CHST11: variants seen among roughly 807,000 people sequenced by gnomAD.
CHST11 encodes carbohydrate sulfotransferase 11.
Under a neutral mutation model 30.4 loss-of-function variants are expected in CHST11, and 9 were observed. That is an observed-to-expected ratio of 0.30 (90% CI 0.18 to 0.52). The LOEUF (loss-of-function observed/expected upper bound fraction) is 0.52, where lower values mean the gene tolerates loss of function less well. Ranked by LOEUF, CHST11 falls within the 20% of genes least tolerant of loss-of-function variation. The pLI is 0.97. For synonymous variants in CHST11, 152 were observed against 187.8 expected, an observed-to-expected ratio of 0.81 and a Z score of 1.56; for missense variants, 348 against 460.6, an observed-to-expected ratio of 0.76 and a Z score of 2.24.
chr12:104,505,610 A>T (rs1205268009), intron 1 of CHST11, among the ~76,000 whole-genome samples: 1 of 152,206 alleles, frequency 6.6e-6, no homozygotes, highest in African/African-American at 2.4e-5. Flanking sequence ...ACCATCAACT[A>T]GCTGCTTGAT....
intron 1 of CHST11, among the ~76,000 whole-genome samples, chr12:104,599,645 CA>C (rs1472979712): frequency 6.6e-6 from 1 of 152,192 alleles, no homozygotes; most frequent in African/African-American, 2.4e-5. Context: ...TTTCTCTGTA[CA>C]GCCTGATCAA....
chr12:104,616,061 G>T (rs1410509483), intron 2 of CHST11, among the ~76,000 whole-genome samples: 1 of 152,202 alleles, frequency 6.6e-6, no homozygotes, highest in Non-Finnish European at 1.5e-5. Flanking sequence ...ATTTGCTGTT[G>T]TTATTGTTAC....
At chr12:104,487,420 C>A (rs2037692654) in intron 1 of CHST11, among the ~76,000 whole-genome samples, 1 of 152,174 alleles carries the variant, frequency 6.6e-6, no homozygotes, top group Non-Finnish European at 1.5e-5. Context: ...TGCCACCACA[C>A]CTGGTTAATT....
At chr12:104,696,507 A>AAAAC (rs2039948667) in intron 2 of CHST11, among the ~76,000 whole-genome samples, 1 of 138,678 alleles carries the variant, frequency 7.2e-6, no homozygotes, top group African/African-American at 2.7e-5. Context: ...AAAAAAAAAA[A>AAAAC]CATAGCTGGG....
intron 1 of CHST11, among the ~76,000 whole-genome samples, chr12:104,559,440 AGACT>A (rs1321989959): frequency 6.6e-6 from 1 of 152,212 alleles, no homozygotes; most frequent in Non-Finnish European, 1.5e-5. Flanking sequence ...TGGGGAAGAC[AGACT>A]GTCAACAAGT....
chr12:104,495,071 A>G (rs1326201102), intron 1 of CHST11, among the ~76,000 whole-genome samples: 1 of 152,156 alleles, frequency 6.6e-6, no homozygotes, highest in Non-Finnish European at 1.5e-5. Flanking sequence ...GGAGTCATAC[A>G]GTATTTCTGT....
At chr12:104,577,020 G>A (rs76434722) in intron 1 of CHST11, among the ~76,000 whole-genome samples, 34,053 of 151,784 alleles carry the variant, frequency 0.22, 4,333 homozygotes, top group African/African-American at 0.36. Context: ...CCTGGACCTC[G>A]GTACTAAGAC....
chr12:104,718,687 G>T (rs562829783), intron 2 of CHST11, among the ~76,000 whole-genome samples: 1 of 152,146 alleles, frequency 6.6e-6, no homozygotes, highest in Non-Finnish European at 1.5e-5. Flanking sequence ...AATTGGGGGC[G>T]TCTCCTCCCT....
At chr12:104,705,090 T>G (rs1003973362) in intron 2 of CHST11, among the ~76,000 whole-genome samples, 3 of 152,230 alleles carry the variant, frequency 2.0e-5, no homozygotes, top group Non-Finnish European at 4.4e-5. Context: ...GAGAAGCCTC[T>G]CTGCTGATTA....
intron 2 of CHST11, among the ~76,000 whole-genome samples, chr12:104,635,521 C>G (rs1230220916): frequency 6.6e-6 from 1 of 152,214 alleles, no homozygotes. Context: ...GAGCACCTGG[C>G]AGATCCAGTT....
At chr12:104,490,612 T>C (rs2037735684) in intron 1 of CHST11, among the ~76,000 whole-genome samples, 1 of 152,114 alleles carries the variant, frequency 6.6e-6, no homozygotes, top group African/African-American at 2.4e-5. Context: ...GAGAGAGAGA[T>C]TGGAGTTGAT....
chr12:104,718,881 A>G (rs539706822), intron 2 of CHST11, among the ~76,000 whole-genome samples: 17 of 152,338 alleles, frequency 1.1e-4, no homozygotes, highest in African/African-American at 4.1e-4. Flanking sequence ...AAACAAGACA[A>G]GGGAGGTTCT....
chr12:104,467,228 T>C (rs966098224), intron 1 of CHST11, among the ~76,000 whole-genome samples: 6 of 152,242 alleles, frequency 3.9e-5, no homozygotes, highest in Admixed American at 1.3e-4. Flanking sequence ...TGACATGTAA[T>C]TTGATATGAC....
intron 2 of CHST11, among the ~76,000 whole-genome samples, chr12:104,725,165 A>G (rs1236881208): frequency 6.6e-6 from 1 of 152,224 alleles, no homozygotes; most frequent in Non-Finnish European, 1.5e-5. Context: ...GTGGATAATA[A>G]TGGTTCCCTC....
At chr12:104,574,944 G>C (rs865607) in intron 1 of CHST11, among the ~76,000 whole-genome samples, 127,228 of 151,850 alleles carry the variant, frequency 0.84, 53,603 homozygotes, top group East Asian at 0.98. Context: ...GTAATCCCAG[G>C]TCTTTGGGAG....
chr12:104,541,031 C>T (rs919151594), intron 1 of CHST11, among the ~76,000 whole-genome samples: 5 of 151,986 alleles, frequency 3.3e-5, no homozygotes, highest in Non-Finnish European at 5.9e-5. Flanking sequence ...GATGACCCAG[C>T]GTCCCTGAGG....
chr12:104,574,371 A>C (rs1351847080), intron 1 of CHST11, among the ~76,000 whole-genome samples: 3 of 152,236 alleles, frequency 2.0e-5, no homozygotes, highest in African/African-American at 7.2e-5. Context: ...GTATATACCC[A>C]AAGGATTATA....
chr12:104,575,721 C>T (rs2038677896), intron 1 of CHST11, among the ~76,000 whole-genome samples: 1 of 152,024 alleles, frequency 6.6e-6, no homozygotes, highest in Admixed American at 6.6e-5. Context: ...TGCCGAGCCA[C>T]AGAGTGGTCC....
chr12:104,584,584 A>G (rs763160379), intron 1 of CHST11, among the ~76,000 whole-genome samples: 1 of 152,134 alleles, frequency 6.6e-6, no homozygotes, highest in Non-Finnish European at 1.5e-5. Flanking sequence ...GCTGTCTTTT[A>G]TATGTGTATG....
Sources: gnomAD v4.1 joint callset for allele counts (sites outside exome capture counted in the v4.1 genomes callset) on GRCh38, gnomAD v4.1.1 for gene constraint, MANE v1.5 for transcripts, NCBI Gene and HGNC (gene_info 2026-07-23, HGNC 2026-07-21) for gene names.